DCDC1: variants seen among roughly 807,000 people sequenced by gnomAD.
The protein encoded by DCDC1 is doublecortin domain-containing protein 1.
A neutral mutation model predicts 178.3 loss-of-function variants in DCDC1; 200 were observed. The observed-to-expected ratio is 1.12, with a 90% CI of 1.00 to 1.26. The LOEUF (loss-of-function observed/expected upper bound fraction) is 1.26, where lower values mean the gene tolerates loss of function less well. DCDC1 is among the 50% of genes most tolerant of loss of function. The probability of loss-of-function intolerance (pLI) is 0.00; values close to 1 mark genes in which losing one functional copy is unlikely to be tolerated. For synonymous variants in DCDC1, 690 were observed against 604.8 expected, an observed-to-expected ratio of 1.14 and a Z score of -2.07; for missense variants, 1,983 against 1,749.2, an observed-to-expected ratio of 1.13 and a Z score of -2.38.
At chr11:31,189,091 C>T (rs2136335538) in intron 9 of DCDC1, among the ~76,000 whole-genome samples, 1 of 152,244 alleles carries the variant, frequency 6.6e-6, no homozygotes, top group Admixed American at 6.5e-5. Flanking sequence ...GCCACCAAAA[C>T]TATAAGTAAT....
At chr11:31,015,976 T>C (rs1952465259) in intron 20 of DCDC1, among the ~76,000 whole-genome samples, 1 of 152,202 alleles carries the variant, frequency 6.6e-6, no homozygotes, top group African/African-American at 2.4e-5. Flanking sequence ...CACTCCATTT[T>C]CTTAAATATC....
chr11:31,072,529 A>G (rs115895373), intron 18 of DCDC1, among the ~76,000 whole-genome samples: 1 of 152,096 alleles, frequency 6.6e-6, no homozygotes, highest in African/African-American at 2.4e-5. Flanking sequence ...TGTACTTATG[A>G]AGATGTCTAC....
intron 20 of DCDC1, among the ~76,000 whole-genome samples, chr11:31,006,763 T>C (rs542645807): frequency 6.8e-4 from 104 of 152,330 alleles, no homozygotes; most frequent in African/African-American, 2.4e-3. Context: ...CAAAACTGTA[T>C]AATTCTAAAT....
intron 16 of DCDC1, among the ~76,000 whole-genome samples, chr11:31,092,464 C>T (rs1957876153): frequency 1.3e-5 from 2 of 152,194 alleles, no homozygotes; most frequent in Admixed American, 1.3e-4. Context: ...TTGAACATCA[C>T]ATATGCTTTC....
At chr11:31,095,587 T>G (rs1027995485) in intron 15 of DCDC1, among the ~76,000 whole-genome samples, 6 of 152,050 alleles carry the variant, frequency 3.9e-5, no homozygotes, top group Admixed American at 3.9e-4. Flanking sequence ...GTTCACACAA[T>G]CTCCTAAGAA....
intron 11 of DCDC1, among the ~76,000 whole-genome samples, chr11:31,116,293 T>G (rs542739475): frequency 3.9e-5 from 6 of 152,102 alleles, no homozygotes; most frequent in Non-Finnish European, 5.9e-5. Context: ...AATGAAAAAT[T>G]TTAAAGGCAT....
At chr11:31,070,621 T>A (rs1300840554) in intron 18 of DCDC1, among the ~76,000 whole-genome samples, 2 of 152,216 alleles carry the variant, frequency 1.3e-5, no homozygotes, top group Non-Finnish European at 2.9e-5. Flanking sequence ...TCAACTTCCA[T>A]AACAGAGAAG....
At chr11:31,108,913 G>A (rs558669069) in intron 12 of DCDC1, among the ~76,000 whole-genome samples, 54 of 152,242 alleles carry the variant, frequency 3.5e-4, no homozygotes, top group African/African-American at 1.2e-3. Context: ...AAAAGAGTGT[G>A]AAACATCTTA....
At chr11:31,160,188 T>G (rs867832984) in intron 9 of DCDC1, among the ~76,000 whole-genome samples, 3 of 152,306 alleles carry the variant, frequency 2.0e-5, no homozygotes, top group South Asian at 2.1e-4. Context: ...TTTAAACATA[T>G]GTACTTAAAT....
intron 20 of DCDC1, among the ~76,000 whole-genome samples, chr11:30,992,845 A>C (rs901102786): frequency 2.0e-5 from 3 of 152,042 alleles, no homozygotes; most frequent in Non-Finnish European, 4.4e-5. Flanking sequence ...AAAAATCTAA[A>C]ATAAAAGTAG....
chr11:31,106,409 A>G (rs932135156), intron 13 of DCDC1, among the ~76,000 whole-genome samples: 3 of 152,218 alleles, frequency 2.0e-5, no homozygotes, highest in African/African-American at 7.2e-5. Context: ...TCCTTTAAAA[A>G]GGGACAAAAA....
intron 3 of DCDC1, among the ~76,000 whole-genome samples, chr11:31,314,199 T>C (rs1460175543): frequency 6.6e-6 from 1 of 152,212 alleles, no homozygotes; most frequent in Admixed American, 6.5e-5. Context: ...AATTTATCAT[T>C]GCATTATTTA....
intron 17 of DCDC1, among the ~76,000 whole-genome samples, chr11:31,080,408 G>A (rs1196254914): frequency 6.6e-6 from 1 of 152,130 alleles, no homozygotes; most frequent in Non-Finnish European, 1.5e-5. Flanking sequence ...AAGTATAATG[G>A]AAGTTATTTT....
rs1260333309 is a variant in DCDC1 at position 31,097,432 on chromosome 11, T to C, written c.1984-3248A>G. Among the ~76,000 whole-genome samples, 5 of 152,196 alleles carry C rather than the reference T, an allele frequency of 3.3e-5. No homozygotes were observed. The East Asian group carries it at 5.8e-4, about 18-fold the overall frequency. ...TTTACATGATGTTCATTTTTGATAA[T>C]GCATTTAGGGTCAATTTGAATAATT... On this transcript the variant is annotated intron_variant, in intron 15 of 38. Coordinates refer to ENST00000684477, the MANE Select transcript of DCDC1 (RefSeq NM_001387274.1).
chr11:30,873,864 C>A (rs1274329402), intron 38 of DCDC1, among the ~76,000 whole-genome samples: 1 of 152,118 alleles, frequency 6.6e-6, no homozygotes, highest in African/African-American at 2.4e-5. Context: ...ATTCCTGTGA[C>A]CTTTAAAATA....
At chr11:31,188,814 A>AATG (rs2136333729) in intron 9 of DCDC1, among the ~76,000 whole-genome samples, 1 of 152,334 alleles carries the variant, frequency 6.6e-6, no homozygotes, top group African/African-American at 2.4e-5. Flanking sequence ...CTATGGTCTG[A>AATG]AAATGTGTGT....
chr11:31,092,427 G>C (rs1423646279), intron 16 of DCDC1, among the ~76,000 whole-genome samples: 1 of 152,116 alleles, frequency 6.6e-6, no homozygotes, highest in Non-Finnish European at 1.5e-5. Flanking sequence ...CATTTATTAA[G>C]CACTTTCTGT....
At chr11:31,130,592 C>T (rs1962307766) in intron 10 of DCDC1, among the ~76,000 whole-genome samples, 1 of 152,198 alleles carries the variant, frequency 6.6e-6, no homozygotes, top group Non-Finnish European at 1.5e-5. Flanking sequence ...TTTTAAGTCA[C>T]TCAGCTATTG....
chr11:31,315,669 T>C (rs1399083253), intron 3 of DCDC1, among the ~76,000 whole-genome samples: 1 of 120,958 alleles, frequency 8.3e-6, no homozygotes, highest in Non-Finnish European at 1.7e-5. Flanking sequence ...TTTTTTTTTA[T>C]TAAACTCTAA....
Sources: gnomAD v4.1 joint callset for allele counts (sites outside exome capture counted in the v4.1 genomes callset) on GRCh38, gnomAD v4.1.1 for gene constraint, MANE v1.5 for transcripts, NCBI Gene and HGNC (gene_info 2026-07-23, HGNC 2026-07-21) for gene names.